Variants in WDFY4 observed in about 807,000 individuals in gnomAD.
WDFY4 encodes WDFY family member 4.
WDFY4 carries 169 observed loss-of-function variants against 351.9 expected under a neutral mutation model. The observed-to-expected ratio is 0.48, with a 90% confidence interval of 0.42 to 0.55. The LOEUF (loss-of-function observed/expected upper bound fraction) is 0.55. Ranked by LOEUF, WDFY4 falls within the 20% of genes least tolerant of loss-of-function variation. WDFY4 has a pLI of 0.00. For synonymous variants in WDFY4, 1,622 were observed against 1,574.6 expected (o/e 1.03, Z -0.71); for missense variants, 3,803 against 3,935.6 (o/e 0.97, Z 0.90).
In WDFY4 at chr10:48,857,985, G is replaced by A. The variant is rs114411869; in HGVS notation, c.6664-9280G>A. 9.0e-3 allele frequency among the ~76,000 whole-genome samples: 1,366 copies of A among 152,004 alleles called. 20 individuals are homozygous for A. Among genetic ancestry groups the A allele is most frequent in the African/African-American group, 0.032 (1,318 of 41,412 alleles). ...TGTTTTGTATTTTCAGTAGAGACAA[G>A]GTTTCACCACATTGGCCAGGTTCGT... On this transcript the variant is annotated intron_variant, in intron 39 of 61. Transcript: ENST00000325239.
rs2065470462 is a variant in WDFY4, at chr10:48,760,516, C to T, written c.2553+76C>T. ...TCAAATGCCTTCTGACCCAAGACAG[C>T]TTTTTTCCTTTTGTCCGTGTCTTCA... On this transcript the variant is annotated intron_variant, in intron 13 of 61. Transcript: ENST00000325239. 7 of 1,436,530 alleles carry T rather than the reference C, an allele frequency of 4.9e-6. No individual in the cohort carries two copies. The Admixed American group carries it at 7.9e-5, about 16-fold the overall frequency. The allele number at this position is 1,436,530 out of a possible 1,614,324, so 89.0% of individuals were successfully genotyped here.
At chr10:48,947,151 C>A (rs1841090387) in intron 51 of WDFY4, among the ~76,000 whole-genome samples, 182 bp downstream of exon 51, 1 of 152,180 alleles carries the variant, frequency 6.6e-6, no homozygotes. Context: ...CCAAGGCAGG[C>A]TGTTCTTCCT....
intron 39 of WDFY4, among the ~76,000 whole-genome samples, chr10:48,841,250 T>A (rs2068594903): frequency 6.6e-6 from 1 of 152,248 alleles, no homozygotes; most frequent in South Asian, 2.1e-4. Flanking sequence ...ATAAGTACTA[T>A]AAGACACAGA....
chr10:48,901,883 C>A lies in WDFY4; in HGVS notation c.7586+20C>A, dbSNP rs1837372214. Reference sequence around the variant, plus strand: ...TCTAAGGTAATGGCGGGTAGCCATGCTGTCTGGGCATGGCACTGCCCTGGC... The same window carrying A: ...TCTAAGGTAATGGCGGGTAGCCATGATGTCTGGGCATGGCACTGCCCTGGC... On this transcript the variant is annotated intron_variant, in intron 47 of 61. Coordinates refer to ENST00000325239, the MANE Select transcript of WDFY4 (RefSeq NM_001394531.1). The A allele has an allele frequency of 6.5e-7, 1 of 1,549,488 alleles. No individual in the cohort carries two copies. Among genetic ancestry groups the A allele is most frequent in the Non-Finnish European group, 8.7e-7 (1 of 1,145,182 alleles).
chr10:48,743,034 G>C lies in WDFY4; in HGVS notation c.1945G>C (p.Gly649Arg). 1 of 1,551,466 alleles carries C rather than the reference G, an allele frequency of 6.4e-7. No individual in the cohort carries two copies. Among genetic ancestry groups the C allele is most frequent in the Non-Finnish European group, 8.7e-7 (1 of 1,146,960 alleles). The change falls in exon 12 of 62, where the codon GGG (glycine) becomes CGG (arginine). Residue 649 changes from glycine (G) to arginine (R), a missense_variant. Coordinates refer to ENST00000325239, the MANE Select transcript of WDFY4 (RefSeq NM_001394531.1). ...AAFRVSSGFNGLLSLLSDLEG... is the reference protein window; with the variant it reads ...AAFRVSSGFNRLLSLLSDLEG... Reference sequence around the variant, plus strand: ...CTTCAGAGTCTCCAGCGGGTTCAACGGGCTGCTGTCTCTGCTCTCTGACCT... The same window carrying C: ...CTTCAGAGTCTCCAGCGGGTTCAACCGGCTGCTGTCTCTGCTCTCTGACCT...
At chr10:48,948,444 T>C (rs757331154) in intron 51 of WDFY4, among the ~76,000 whole-genome samples, 12 of 152,214 alleles carry the variant, frequency 7.9e-5, no homozygotes, top group Non-Finnish European at 1.3e-4. Flanking sequence ...CCTGGGAATT[T>C]AAGTGTTTAA....
In WDFY4 at chr10:48,929,390, T is replaced by C. The variant is rs1466905933; in HGVS notation, c.7587-12416T>C. ...TAGCCTCTAGGCTCCAGCAGGAAGC[T>C]ATTGTGTCCTGGACTCCATACTCCA... On this transcript the variant is annotated intron_variant, in intron 47 of 61. Coordinates refer to ENST00000325239, the MANE Select transcript of WDFY4 (RefSeq NM_001394531.1). Among the ~76,000 whole-genome samples the C allele has an allele frequency of 3.3e-5, 5 of 152,088 alleles. No homozygotes were observed. In the East Asian group the frequency reaches 9.6e-4, roughly 29 times the overall value.
At chr10:48,825,710 T>C (rs1434478986) in intron 35 of WDFY4, among the ~76,000 whole-genome samples, 1 of 144,116 alleles carries the variant, frequency 6.9e-6, no homozygotes, top group Non-Finnish European at 1.5e-5. Context: ...TGATCAGTGA[T>C]ATGGCACTTT....
intron 1 of WDFY4, among the ~76,000 whole-genome samples, chr10:48,706,133 G>A (rs1308322144): frequency 6.6e-6 from 1 of 152,196 alleles, no homozygotes; most frequent in Non-Finnish European, 1.5e-5. Context: ...AGGGGTCTAG[G>A]CGAGAGAGAG....
chr10:48,945,132 T>C (rs1418890582), intron 49 of WDFY4, among the ~76,000 whole-genome samples: 1 of 152,162 alleles, frequency 6.6e-6, no homozygotes, highest in Non-Finnish European at 1.5e-5. Flanking sequence ...TCCTGGCACT[T>C]TGGGAGGCCG....
At chr10:48,927,848 T>C (rs1340175725) in intron 47 of WDFY4, among the ~76,000 whole-genome samples, 1 of 152,230 alleles carries the variant, frequency 6.6e-6, no homozygotes, top group Non-Finnish European at 1.5e-5. Flanking sequence ...TCTGTTTTAA[T>C]TGGATTTGTT....
intron 44 of WDFY4, 83 bp from the exon 45 acceptor site, chr10:48,897,371 G>T: frequency 6.6e-7 from 1 of 1,504,314 alleles, no homozygotes; most frequent in Non-Finnish European, 8.9e-7. Flanking sequence ...TGGAGCTGGT[G>T]GAGGGCAGGA....
chr10:48,860,087 CTA>C (rs1317010150), intron 39 of WDFY4, among the ~76,000 whole-genome samples: 1 of 152,146 alleles, frequency 6.6e-6, no homozygotes, highest in African/African-American at 2.4e-5. Flanking sequence ...CCTTTTTCAT[CTA>C]TGTTAGTGTT....
intron 1 of WDFY4, among the ~76,000 whole-genome samples, chr10:48,706,184 C>T (rs1009627952): frequency 4.6e-5 from 7 of 152,196 alleles, no homozygotes; most frequent in Non-Finnish European, 8.8e-5. Context: ...TAGGTTAATT[C>T]GTTCACGGAT....
chr10:48,701,384 G>A (rs1190840649), intron 1 of WDFY4, among the ~76,000 whole-genome samples: 5 of 152,158 alleles, frequency 3.3e-5, no homozygotes, highest in Non-Finnish European at 5.9e-5. Context: ...GGGTGTACAC[G>A]TGTCTGCTTG....
At chr10:48,787,980 T>TCTCCTTCTCCTTCTC (rs1565199372) in intron 20 of WDFY4, among the ~76,000 whole-genome samples, 1 of 52,992 alleles carries the variant, frequency 1.9e-5, no homozygotes. Context: ...TTCTTCTTCT[T>TCTCCTTCTCCTTCTC]CTTCTCCTTC....
rs761195408 is a variant in WDFY4, at chr10:48,775,715, G to T, written c.2772G>T (p.Gln924His). 27 of 1,551,438 alleles carry T rather than the reference G, an allele frequency of 1.7e-5. No individual in the cohort carries two copies. In the African/African-American group the frequency reaches 3.1e-4, roughly 18 times the overall value. Residue 924 changes from glutamine (Q) to histidine (H), a missense_variant, in exon 15 of 62, where the codon CAG becomes CAT. Physicochemically the swap from Gln to His is conservative, Grantham distance 24 (BLOSUM62 0). Transcript: ENST00000325239. Reference sequence around the variant, plus strand: ...TCCTCTTGTATGTTATGTTCAGACAGTTTCTAGGTCTTGGAATTCCCTCAT... The same window carrying T: ...TCCTCTTGTATGTTATGTTCAGACATTTTCTAGGTCTTGGAATTCCCTCAT... ...SQAIEPDVLRQFLGLGIPSSL... is the reference protein window; with the variant it reads ...SQAIEPDVLRHFLGLGIPSSL...
intron 45 of WDFY4, among the ~76,000 whole-genome samples, chr10:48,898,102 C>A (rs1837179103): frequency 6.6e-6 from 1 of 152,042 alleles, no homozygotes; most frequent in South Asian, 2.1e-4. Flanking sequence ...CAACCAGGAT[C>A]TTTCAGTGCC....
At chr10:48,971,493 C>CT (rs1289340007) in intron 57 of WDFY4, among the ~76,000 whole-genome samples, 1 of 147,630 alleles carries the variant, frequency 6.8e-6, no homozygotes, top group Non-Finnish European at 1.5e-5. Flanking sequence ...GAGACTCTGT[C>CT]TCAAAAAAAA....
Sources: gnomAD v4.1 joint callset for allele counts (sites outside exome capture counted in the v4.1 genomes callset) on GRCh38, gnomAD v4.1.1 for gene constraint, MANE v1.5 for transcripts, NCBI Gene and HGNC (gene_info 2026-07-23, HGNC 2026-07-21) for gene names.